The following CNTNAP2 variants were observed in gnomAD, a reference collection of about 807,000 sequenced individuals.
The protein encoded by CNTNAP2 is contactin associated protein 2.
Under a neutral mutation model 155.2 loss-of-function variants are expected in CNTNAP2, and 98 were observed. That is an observed-to-expected ratio of 0.63 (90% CI 0.54 to 0.75). The LOEUF is 0.75. Ranked by LOEUF, CNTNAP2 falls within the 30% of genes least tolerant of loss-of-function variation. The pLI, the probability that CNTNAP2 is intolerant of heterozygous loss-of-function variation, is 0.00. For synonymous variants in CNTNAP2, 651 were observed against 631.2 expected, an observed-to-expected ratio of 1.03 and a Z score of -0.47; for missense variants, 1,727 against 1,688.1, an observed-to-expected ratio of 1.02 and a Z score of -0.40.
At chr7:147,629,617 T>C (rs1023123513) in intron 12 of CNTNAP2, among the ~76,000 whole-genome samples, 1 of 151,762 alleles carries the variant, frequency 6.6e-6, no homozygotes, top group Non-Finnish European at 1.5e-5. Flanking sequence ...AAATAAAAAG[T>C]ATATCAGGTA....
intron 1 of CNTNAP2, among the ~76,000 whole-genome samples, chr7:146,641,580 A>C (rs1442105562): frequency 6.6e-6 from 1 of 152,110 alleles, no homozygotes; most frequent in Non-Finnish European, 1.5e-5. Flanking sequence ...TTCAATCTTT[A>C]GCTCTTTCTA....
At chr7:147,171,583 G>T (rs558027560) in intron 8 of CNTNAP2, among the ~76,000 whole-genome samples, 1 of 152,190 alleles carries the variant, frequency 6.6e-6, no homozygotes, top group Non-Finnish European at 1.5e-5. Context: ...GGTAAATTCA[G>T]TTTATAGGTA....
intron 13 of CNTNAP2, among the ~76,000 whole-genome samples, chr7:147,641,996 A>G: frequency 7.2e-6 from 1 of 138,428 alleles, no homozygotes; most frequent in East Asian, 2.0e-4. Flanking sequence ...CACTTATCAT[A>G]GGTGTGTGTG....
At chr7:147,144,165 T>A (rs538783164) in intron 8 of CNTNAP2, among the ~76,000 whole-genome samples, 65 of 152,314 alleles carry the variant, frequency 4.3e-4, no homozygotes, top group African/African-American at 1.5e-3. Flanking sequence ...TGAAATGGCA[T>A]CTATTGATGA....
chr7:147,098,319 C>G (rs1291195920), intron 4 of CNTNAP2, among the ~76,000 whole-genome samples: 1 of 152,276 alleles, frequency 6.6e-6, no homozygotes, highest in Admixed American at 6.5e-5. Flanking sequence ...GAATTGTAAG[C>G]CTTATGTAGT....
intron 9 of CNTNAP2, among the ~76,000 whole-genome samples, chr7:147,301,912 G>A (rs750067461): frequency 1.3e-5 from 2 of 152,050 alleles, no homozygotes; most frequent in African/African-American, 2.4e-5. Context: ...CTATACCAGG[G>A]CATTTCTCCC....
At chr7:147,060,217 C>T (rs1307622480) in intron 4 of CNTNAP2, among the ~76,000 whole-genome samples, 1 of 151,792 alleles carries the variant, frequency 6.6e-6, no homozygotes, top group African/African-American at 2.4e-5. Context: ...GAGGGGAACA[C>T]AGTACATCTA....
At chr7:148,174,904 C>T (rs1794905421) in intron 18 of CNTNAP2, among the ~76,000 whole-genome samples, 1 of 152,180 alleles carries the variant, frequency 6.6e-6, no homozygotes, top group Non-Finnish European at 1.5e-5. Context: ...CTCTCTCTCC[C>T]CTTGCCGCCA....
At chr7:146,506,365 C>A (rs192363202) in intron 1 of CNTNAP2, among the ~76,000 whole-genome samples, 1 of 152,328 alleles carries the variant, frequency 6.6e-6, no homozygotes, top group East Asian at 1.9e-4. Flanking sequence ...GCATTTCTGG[C>A]AGACCTCCCA....
chr7:146,565,445 C>T (rs532047690), intron 1 of CNTNAP2, among the ~76,000 whole-genome samples: 5 of 151,882 alleles, frequency 3.3e-5, no homozygotes, highest in South Asian at 2.1e-4. Context: ...TCCAGGGATC[C>T]GTTAAGTGCA....
In CNTNAP2 at chr7:146,724,849, G is replaced by A. The variant is rs185947873; in HGVS notation, c.98-49422G>A. On this transcript the variant is annotated intron_variant, in intron 1 of 23. Transcript: ENST00000361727. ...CTCCCAAAGTGGTGGGATTACAGGCGTGAGCCACCATGCCTGGCCTAAATC... is the reference window on the plus strand; with the variant it reads ...CTCCCAAAGTGGTGGGATTACAGGCATGAGCCACCATGCCTGGCCTAAATC... Among the ~76,000 whole-genome samples the A allele has an allele frequency of 7.2e-5, 11 of 152,208 alleles. No homozygotes were observed. In the East Asian group the frequency reaches 1.7e-3, roughly 24 times the overall value.
chr7:147,145,875 C>T (rs548062855), intron 8 of CNTNAP2, among the ~76,000 whole-genome samples: 11 of 152,220 alleles, frequency 7.2e-5, no homozygotes, highest in South Asian at 2.1e-4. Context: ...AGAGTTCTCC[C>T]GGTACACACT....
chr7:147,675,411 A>G (rs1795853324), intron 13 of CNTNAP2, among the ~76,000 whole-genome samples: 1 of 152,100 alleles, frequency 6.6e-6, no homozygotes, highest in Non-Finnish European at 1.5e-5. Context: ...GAGAAACAGA[A>G]CCAAGGGGAT....
chr7:146,791,082 C>G (rs1035095166), intron 2 of CNTNAP2, among the ~76,000 whole-genome samples: 1 of 151,944 alleles, frequency 6.6e-6, no homozygotes, highest in Non-Finnish European at 1.5e-5. Context: ...CCCCTACCCC[C>G]TGACAGGCCC....
chr7:147,457,015 T>C (rs755832091), intron 10 of CNTNAP2, among the ~76,000 whole-genome samples: 29 of 152,296 alleles, frequency 1.9e-4, no homozygotes, highest in Middle Eastern at 3.4e-3. Context: ...ATGAAAATCA[T>C]TTAAAAGTTA....
chr7:146,392,369 C>G (rs1476004067), intron 1 of CNTNAP2, among the ~76,000 whole-genome samples: 2 of 150,534 alleles, frequency 1.3e-5, no homozygotes, highest in African/African-American at 2.5e-5. Flanking sequence ...AATAAAAAAT[C>G]AAACAAAACC....
At chr7:147,627,406 A>G (rs1795001042) in intron 12 of CNTNAP2, among the ~76,000 whole-genome samples, 1 of 152,156 alleles carries the variant, frequency 6.6e-6, no homozygotes, top group Non-Finnish European at 1.5e-5. Context: ...ACTTAAAGAT[A>G]TTAAAACAAG....
intron 17 of CNTNAP2, among the ~76,000 whole-genome samples, chr7:148,169,686 G>A (rs540161249): frequency 6.6e-6 from 1 of 152,272 alleles, no homozygotes; most frequent in South Asian, 2.1e-4. Context: ...CAAAGGCTGG[G>A]CACGGTGGCT....
intron 13 of CNTNAP2, among the ~76,000 whole-genome samples, chr7:147,889,147 G>A (rs1045976246): frequency 1.3e-5 from 2 of 151,882 alleles, no homozygotes; most frequent in African/African-American, 4.8e-5. Flanking sequence ...TGATATTTAA[G>A]AGAATGCAAA....
Sources: allele counts gnomAD v4.1 joint callset (sites outside exome capture counted in the v4.1 genomes callset), GRCh38; gene constraint gnomAD v4.1.1; transcripts MANE v1.5; gene names NCBI Gene and HGNC (gene_info 2026-07-23, HGNC 2026-07-21).